The following FOCAD variants were observed in gnomAD, a reference collection of about 807,000 sequenced individuals.
The protein encoded by FOCAD is KIAA1797.
In FOCAD, 198 loss-of-function variants were observed where a neutral mutation model predicts 225.6. The ratio of observed to expected loss-of-function variants is 0.88; its 90% CI spans 0.78 to 0.99. FOCAD has a LOEUF of 0.99. Among genes scored for constraint, FOCAD ranks in the 50% least tolerant of loss-of-function variants. FOCAD has a pLI of 0.00. For synonymous variants in FOCAD, 897 were observed against 755.0 expected (o/e 1.19, Z -3.08); for missense variants, 2,713 against 2,123.6 (o/e 1.28, Z -5.46).
In FOCAD at chr9:20,756,945, T is replaced by C. The variant is rs369605725; in HGVS notation, c.393-1145T>C. ...ACAATGAGCATTTTAATGTTTTTTT[T>C]TGAGATGGAGTTTTGCTCTTGTTGC... is the stretch of plus-strand genomic sequence containing the variant. On this transcript the variant is annotated intron_variant, in intron 5 of 43. Coordinates refer to ENST00000338382, the MANE Select transcript of FOCAD (RefSeq NM_001375567.1). Among the ~76,000 whole-genome samples the C allele has an allele frequency of 7.7e-4, 118 of 152,366 alleles. 1 individual carries two copies. The highest frequency in any genetic ancestry group is 2.6e-3 in the African/African-American group (109 of 41,590).
intron 21 of FOCAD, among the ~76,000 whole-genome samples, chr9:20,888,492 A>G (rs778726343): frequency 3.3e-5 from 5 of 152,114 alleles, no homozygotes; most frequent in Non-Finnish European, 1.5e-5. Flanking sequence ...AAGAATTTCA[A>G]CTTACCAAAT....
chr9:20,806,229 T>G (rs1822438047), intron 11 of FOCAD, among the ~76,000 whole-genome samples: 4 of 152,230 alleles, frequency 2.6e-5, no homozygotes, highest in Admixed American at 2.6e-4. Flanking sequence ...TATAGATGAC[T>G]TAGTGCTGAT....
At chr9:20,821,315 T>C (rs929257661) in intron 14 of FOCAD, among the ~76,000 whole-genome samples, 4 of 152,088 alleles carry the variant, frequency 2.6e-5, no homozygotes, top group African/African-American at 9.7e-5. Context: ...GTTTTCTGAT[T>C]AATAATTTAA....
chr9:20,957,767 C>CT (rs1208395274), intron 35 of FOCAD: 1 of 145,378 alleles, frequency 6.9e-6, no homozygotes, highest in Non-Finnish European at 1.5e-5. Context: ...ATCTGCCCTC[C>CT]TCTGCCTCCC....
chr9:20,686,529 C>T (rs1321249087), intron 1 of FOCAD, among the ~76,000 whole-genome samples: 1 of 152,138 alleles, frequency 6.6e-6, no homozygotes, highest in Non-Finnish European at 1.5e-5. Flanking sequence ...GAAATAATAA[C>T]TATATTTGGA....
At chr9:20,722,099 T>C (rs7027768) in intron 4 of FOCAD, among the ~76,000 whole-genome samples, 133,995 of 143,724 alleles carry the variant, frequency 0.93, 62,682 homozygotes, top group African/African-American at 0.98. Flanking sequence ...CTATGCTGCC[T>C]GGGCATTATT....
intron 28 of FOCAD, among the ~76,000 whole-genome samples, chr9:20,942,108 G>C (rs1278908536): frequency 2.0e-5 from 3 of 152,324 alleles, no homozygotes; most frequent in African/African-American, 7.2e-5. Context: ...ATATGCCATA[G>C]CATGTATATA....
intron 2 of FOCAD, among the ~76,000 whole-genome samples, chr9:20,659,274 G>T (rs1256871027): frequency 4.8e-5 from 7 of 147,342 alleles, no homozygotes; most frequent in Non-Finnish European, 1.0e-4. Context: ...TGGCATGGTG[G>T]TGTGTGCCTG....
upstream of FOCAD, among the ~76,000 whole-genome samples, chr9:20,679,833 A>G (rs1416845203): frequency 1.3e-5 from 2 of 152,180 alleles, no homozygotes; most frequent in Admixed American, 6.5e-5. Flanking sequence ...TTCAAGTGAA[A>G]TTTGCGTCTG....
intron 34 of FOCAD, 134 bp downstream of exon 34, chr9:20,951,232 G>T: frequency 1.5e-6 from 1 of 675,568 alleles, no homozygotes; most frequent in East Asian, 2.6e-5. Context: ...TTACGTCAGA[G>T]GGAAATGGTG....
intron 24 of FOCAD, among the ~76,000 whole-genome samples, chr9:20,921,344 G>T (rs1834411884): frequency 6.6e-6 from 1 of 152,176 alleles, no homozygotes; most frequent in Admixed American, 6.5e-5. Context: ...CGTCGGTGGT[G>T]TTGCCTAGAT....
intron 7 of FOCAD, among the ~76,000 whole-genome samples, chr9:20,768,749 C>A (rs1242770594): frequency 6.6e-6 from 1 of 152,110 alleles, no homozygotes; most frequent in Non-Finnish European, 1.5e-5. Context: ...TTTTCTGTTT[C>A]TTCTCCTTCC....
intron 2 of FOCAD, among the ~76,000 whole-genome samples, chr9:20,662,074 C>G (rs1158707585): frequency 6.6e-6 from 1 of 152,116 alleles, no homozygotes; most frequent in Non-Finnish European, 1.5e-5. Context: ...GCACAAAGAA[C>G]TACTGAAAAT....
chr9:20,770,777 A>G (rs557590536), intron 8 of FOCAD, among the ~76,000 whole-genome samples: 2 of 152,336 alleles, frequency 1.3e-5, no homozygotes, highest in Admixed American at 6.5e-5. Context: ...CCATTAGCGC[A>G]TATTGCTATT....
At chr9:20,839,877 T>C (rs977457865) in intron 15 of FOCAD, among the ~76,000 whole-genome samples, 1 of 152,170 alleles carries the variant, frequency 6.6e-6, no homozygotes, top group Non-Finnish European at 1.5e-5. Flanking sequence ...TTTCTGCATA[T>C]GATTATCCAG....
chr9:20,741,455 A>G (rs967914266), intron 5 of FOCAD, among the ~76,000 whole-genome samples: 9 of 152,086 alleles, frequency 5.9e-5, no homozygotes, highest in Non-Finnish European at 1.2e-4. Flanking sequence ...TTATGAATAC[A>G]TTATTGTTTC....
chr9:20,940,382 G>A (rs1836526427), intron 28 of FOCAD, among the ~76,000 whole-genome samples: 1 of 151,490 alleles, frequency 6.6e-6, no homozygotes, highest in African/African-American at 2.4e-5. Flanking sequence ...GACCTCCTGG[G>A]CTCAAGCAAT....
intron 40 of FOCAD, 81 bp from the exon 41 acceptor site, chr9:20,988,251 A>T: frequency 1.2e-6 from 1 of 804,866 alleles, no homozygotes. Context: ...GTTCTGCTTT[A>T]GTTATGATGG....
At position 20,663,969 on chromosome 9, in the gene FOCAD, C is replaced by G. The variant is rs923491006; in HGVS notation, c.-78+5143C>G. On this transcript the variant is annotated intron_variant, in intron 2 of 45. Coordinates refer to the FOCAD transcript ENST00000380249. ...ATGATGTCTTTTAAACTTGTTTTCC[C>G]AGTTACCTATTTTGTGTTGTTATTT... Among the ~76,000 whole-genome samples, 13 of 151,990 alleles carry G rather than the reference C, an allele frequency of 8.6e-5. 1 individual carries two copies. In the East Asian group the frequency reaches 2.1e-3, roughly 25 times the overall value.
Sources: gnomAD v4.1 joint callset for allele counts (sites outside exome capture counted in the v4.1 genomes callset) on GRCh38, gnomAD v4.1.1 for gene constraint, MANE v1.5 for transcripts, NCBI Gene and HGNC (gene_info 2026-07-23, HGNC 2026-07-21) for gene names.